The following PHF21A variants were observed in gnomAD, a reference collection of about 807,000 sequenced individuals.
PHF21A encodes the protein BHC80a.
Under a neutral mutation model 82.5 loss-of-function variants are expected in PHF21A, and 11 were observed. The ratio of observed to expected loss-of-function variants is 0.13; its 90% CI spans 0.08 to 0.22. The LOEUF is 0.22. Ranked by LOEUF, PHF21A falls within the 10% of genes least tolerant of loss-of-function variation. The probability of loss-of-function intolerance (pLI) is 1.00; values close to 1 mark genes in which losing one functional copy is unlikely to be tolerated. For missense variants in PHF21A, 579 were observed against 837.8 expected (o/e 0.69, Z 3.81); for synonymous variants, 297 against 302.8 (o/e 0.98, Z 0.20).
At chr11:46,105,882 T>A (rs560353598) in intron 1 of PHF21A, among the ~76,000 whole-genome samples, 2 of 152,348 alleles carry the variant, frequency 1.3e-5, no homozygotes, top group East Asian at 3.9e-4. Flanking sequence ...ACAAAAAACA[T>A]GACTATTGCA....
At chr11:46,112,019 T>C (rs995993154) in intron 1 of PHF21A, among the ~76,000 whole-genome samples, 6 of 152,228 alleles carry the variant, frequency 3.9e-5, no homozygotes, top group African/African-American at 1.2e-4. Flanking sequence ...AGTGCAAACA[T>C]TGTAAACAAT....
intron 10 of PHF21A, among the ~76,000 whole-genome samples, chr11:45,964,583 G>A (rs1033852810): frequency 2.0e-5 from 3 of 152,210 alleles, no homozygotes; most frequent in Admixed American, 2.0e-4. Context: ...TTTCTTGAGA[G>A]AGAATGCTTT....
At chr11:46,029,138 C>G (rs551784403) in intron 6 of PHF21A, among the ~76,000 whole-genome samples, 2 of 152,280 alleles carry the variant, frequency 1.3e-5, no homozygotes, top group East Asian at 3.9e-4. Flanking sequence ...GGGCTTAACT[C>G]AAGAAGTCAA....
Position 45,949,423 on chromosome 11 carries a change from A to G in PHF21A, c.1206T>C (p.Ser402=). 3 of 1,614,154 alleles carry G rather than the reference A, an allele frequency of 1.9e-6. No homozygotes were observed. Among genetic ancestry groups the G allele is most frequent in the Non-Finnish European group, 2.5e-6 (3 of 1,179,958 alleles). Residue 402 remains serine, a synonymous_variant, in exon 13 of 19, where the codon AGT becomes AGC. Coordinates refer to ENST00000676320, the MANE Select transcript of PHF21A (RefSeq NM_001352027.3). ...ATACCTCTGGCTCAAAGACTGCTCCACTGTAGACCGGATTTGCTGTTGTTC... is the reference window on the plus strand; with the variant it reads ...ATACCTCTGGCTCAAAGACTGCTCCGCTGTAGACCGGATTTGCTGTTGTTC... ...KRRTTANPVY[S]GAVFEPERKK... is the part of the protein sequence containing the mutation.
At chr11:45,983,212 G>A (rs2959095) in intron 6 of PHF21A, among the ~76,000 whole-genome samples, 133,604 of 151,924 alleles carry the variant, frequency 0.88, 58,971 homozygotes, top group East Asian at 1. Flanking sequence ...CTCCCCCAGG[G>A]CCTGAAACAA....
At chr11:46,066,222 G>C (rs945452082) in intron 6 of PHF21A, among the ~76,000 whole-genome samples, 2 of 152,156 alleles carry the variant, frequency 1.3e-5, no homozygotes, top group African/African-American at 4.8e-5. Context: ...GTGAACTGGG[G>C]AAGGACGAAG....
At chr11:46,093,881 A>T (rs1432927288) in intron 1 of PHF21A, among the ~76,000 whole-genome samples, 1 of 152,208 alleles carries the variant, frequency 6.6e-6, no homozygotes, top group Non-Finnish European at 1.5e-5. Flanking sequence ...AACTGTTTTC[A>T]TCCAAGTTGT....
intron 1 of PHF21A, among the ~76,000 whole-genome samples, chr11:46,097,007 C>G (rs1197203440): frequency 1.3e-5 from 2 of 152,112 alleles, no homozygotes; most frequent in African/African-American, 4.8e-5. Flanking sequence ...TTACCACACT[C>G]CACATCTACT....
chr11:46,034,642 G>C (rs751326991), intron 6 of PHF21A, among the ~76,000 whole-genome samples: 29 of 152,206 alleles, frequency 1.9e-4, no homozygotes, highest in Non-Finnish European at 3.2e-4. Context: ...CTCATGACAG[G>C]TCTCCCAGTG....
chr11:46,009,675 G>A (rs574063409), intron 6 of PHF21A, among the ~76,000 whole-genome samples: 8 of 152,218 alleles, frequency 5.3e-5, no homozygotes, highest in Non-Finnish European at 1.5e-5. Context: ...TCCAAAAGTA[G>A]CAAATAGCAG....
At chr11:46,003,252 G>A (rs1306368182) in intron 6 of PHF21A, among the ~76,000 whole-genome samples, 1 of 150,442 alleles carries the variant, frequency 6.6e-6, no homozygotes, top group Non-Finnish European at 1.5e-5. Context: ...ATAGTGTATG[G>A]AGGAAAGAGC....
chr11:45,946,152 A>C, intron 14 of PHF21A, 149 bp from the exon 15 acceptor site: 2 of 1,569,116 alleles, frequency 1.3e-6, no homozygotes, highest in Non-Finnish European at 1.7e-6. Context: ...CAACAGTCCC[A>C]AAGGAAGGAA....
intron 6 of PHF21A, among the ~76,000 whole-genome samples, chr11:46,061,899 A>G (rs887002513): frequency 2.6e-5 from 4 of 152,158 alleles, no homozygotes; most frequent in Non-Finnish European, 2.9e-5. Flanking sequence ...GTGACCTTGC[A>G]TGTCTTAAAA....
chr11:46,028,454 T>G (rs2095796110), intron 6 of PHF21A, among the ~76,000 whole-genome samples: 1 of 152,066 alleles, frequency 6.6e-6, no homozygotes. Flanking sequence ...TACAATCTAC[T>G]GCATTTTGAG....
At chr11:46,007,461 C>G (rs1265982996) in intron 6 of PHF21A, among the ~76,000 whole-genome samples, 1 of 151,788 alleles carries the variant, frequency 6.6e-6, no homozygotes, top group Non-Finnish European at 1.5e-5. Context: ...TTACAGGTGC[C>G]CACGACCATG....
chr11:46,028,546 A>G (rs1015554012), intron 6 of PHF21A, among the ~76,000 whole-genome samples: 12 of 131,768 alleles, frequency 9.1e-5, no homozygotes, highest in Admixed American at 7.5e-4. Context: ...ATGCTAAAAT[A>G]TTACTTTATA....
intron 1 of PHF21A, among the ~76,000 whole-genome samples, chr11:46,103,103 C>T (rs529434003): frequency 1.2e-3 from 181 of 152,270 alleles, no homozygotes; most frequent in African/African-American, 3.9e-3. Flanking sequence ...GACTGCACCC[C>T]CGTCACATAC....
At chr11:45,979,069 T>C (rs1591528993) in intron 7 of PHF21A, among the ~76,000 whole-genome samples, 2 of 151,548 alleles carry the variant, frequency 1.3e-5, no homozygotes, top group Non-Finnish European at 2.9e-5. Flanking sequence ...CAGGCTGGAG[T>C]GCAGTGGTGT....
chr11:46,052,012 G>A (rs1436793282), intron 6 of PHF21A, among the ~76,000 whole-genome samples: 1 of 152,116 alleles, frequency 6.6e-6, no homozygotes, highest in Non-Finnish European at 1.5e-5. Flanking sequence ...TTACTCCTAT[G>A]AAAACAGTCA....
Sources: allele counts gnomAD v4.1 joint callset (sites outside exome capture counted in the v4.1 genomes callset), GRCh38; gene constraint gnomAD v4.1.1; transcripts MANE v1.5; gene names NCBI Gene and HGNC (gene_info 2026-07-23, HGNC 2026-07-21).